PTPRD: variants seen among roughly 807,000 people sequenced by gnomAD.
PTPRD encodes protein tyrosine phosphatase receptor type D, also known as receptor-type tyrosine-protein phosphatase delta.
PTPRD carries 34 observed loss-of-function variants against 214.5 expected under a neutral mutation model. That is an observed-to-expected ratio of 0.16 (90% CI 0.12 to 0.21). PTPRD has a LOEUF of 0.21. PTPRD is among the 10% of genes least tolerant of loss of function. The pLI is 1.00. For synonymous variants in PTPRD, 1,128 were observed against 845.7 expected, an observed-to-expected ratio of 1.33 and a Z score of -5.79; for missense variants, 2,545 against 2,398.7, an observed-to-expected ratio of 1.06 and a Z score of -1.27.
At chr9:9,485,049 G>C (rs1443538832) in intron 8 of PTPRD, among the ~76,000 whole-genome samples, 1 of 152,134 alleles carries the variant, frequency 6.6e-6, no homozygotes, top group Non-Finnish European at 1.5e-5. Context: ...TCCCCAAAGT[G>C]CATTCAAGAT....
chr9:9,648,098 T>C (rs1460577138), intron 7 of PTPRD, among the ~76,000 whole-genome samples: 3 of 152,194 alleles, frequency 2.0e-5, no homozygotes, highest in South Asian at 4.1e-4. Context: ...CTCATCACTA[T>C]ATTCTGAAAG....
intron 7 of PTPRD, among the ~76,000 whole-genome samples, chr9:9,619,037 G>T (rs1410375816): frequency 6.6e-6 from 1 of 152,086 alleles, no homozygotes; most frequent in Non-Finnish European, 1.5e-5. Flanking sequence ...ACAAGAAAAA[G>T]AATAAAAAAA....
intron 8 of PTPRD, among the ~76,000 whole-genome samples, chr9:9,489,657 A>G (rs895302472): frequency 6.6e-6 from 1 of 152,114 alleles, no homozygotes; most frequent in Admixed American, 6.6e-5. Flanking sequence ...TCAAGGGAAG[A>G]TTTGATTAGG....
chr9:8,732,430 A>G (rs1782511242), intron 12 of PTPRD, among the ~76,000 whole-genome samples: 1 of 152,246 alleles, frequency 6.6e-6, no homozygotes, highest in Admixed American at 6.5e-5. Context: ...CAAAAATAAT[A>G]AAACCATAGT....
intron 39 of PTPRD, among the ~76,000 whole-genome samples, chr9:8,366,923 A>G (rs2080063895): frequency 6.6e-6 from 1 of 152,240 alleles, no homozygotes; most frequent in South Asian, 2.1e-4. Flanking sequence ...CCATGGTGCA[A>G]AAATATTTTT....
intron 2 of PTPRD, among the ~76,000 whole-genome samples, chr9:10,407,875 TA>T (rs2098389821): frequency 6.6e-6 from 1 of 151,594 alleles, no homozygotes; most frequent in Non-Finnish European, 1.5e-5. Flanking sequence ...TTTAACAAAT[TA>T]AAATTTGTTT....
chr9:8,981,814 A>G (rs1339516289), intron 11 of PTPRD, among the ~76,000 whole-genome samples: 3 of 152,052 alleles, frequency 2.0e-5, no homozygotes, highest in Non-Finnish European at 4.4e-5. Flanking sequence ...TGGCTTTCTA[A>G]TTTTCTACAA....
intron 11 of PTPRD, among the ~76,000 whole-genome samples, chr9:8,735,195 G>A (rs1011568031): frequency 1.4e-5 from 2 of 144,340 alleles, no homozygotes; most frequent in East Asian, 4.2e-4. Context: ...CCAGGCTGTA[G>A]TGCAGTGGTA....
intron 11 of PTPRD, among the ~76,000 whole-genome samples, chr9:8,738,771 A>AAAAAAC (rs141087724): frequency 0.49 from 73,688 of 150,966 alleles, 18,820 homozygotes; most frequent in South Asian, 0.62. Flanking sequence ...TTAAGCATTA[A>AAAAAAC]AAAAACAAAA....
At chr9:8,522,806 C>A (rs1398617716) in intron 19 of PTPRD, among the ~76,000 whole-genome samples, 1 of 152,076 alleles carries the variant, frequency 6.6e-6, no homozygotes, top group East Asian at 1.9e-4. Flanking sequence ...AGAGGGTAAT[C>A]TTTAGGGAGC....
At chr9:10,602,019 T>C (rs1273300061) in intron 2 of PTPRD, among the ~76,000 whole-genome samples, 1 of 151,814 alleles carries the variant, frequency 6.6e-6, no homozygotes, top group Non-Finnish European at 1.5e-5. Flanking sequence ...AGAGATTTGG[T>C]GCTCATGAAA....
At chr9:10,543,351 T>C (rs936244216) in intron 2 of PTPRD, among the ~76,000 whole-genome samples, 13 of 152,140 alleles carry the variant, frequency 8.5e-5, no homozygotes, top group African/African-American at 3.1e-4. Flanking sequence ...CTAATTAAAA[T>C]ACCAAATTCT....
intron 3 of PTPRD, among the ~76,000 whole-genome samples, chr9:10,311,873 G>C (rs980719141): frequency 1.3e-5 from 2 of 151,980 alleles, no homozygotes; most frequent in Admixed American, 1.3e-4. Context: ...CTTGGTGTGA[G>C]ATCGAATTGT....
chr9:9,183,062 G>A (rs1360980469), intron 10 of PTPRD, among the ~76,000 whole-genome samples: 3 of 151,888 alleles, frequency 2.0e-5, no homozygotes, highest in Non-Finnish European at 4.4e-5. Flanking sequence ...ATATAATTCA[G>A]AACTGAAAAA....
intron 5 of PTPRD, among the ~76,000 whole-genome samples, chr9:9,867,782 A>G (rs2064354055): frequency 6.6e-6 from 1 of 152,154 alleles, no homozygotes; most frequent in South Asian, 2.1e-4. Flanking sequence ...TCAAACATTA[A>G]AAAGGAACTT....
At chr9:9,729,940 C>A (rs896668743) in intron 7 of PTPRD, among the ~76,000 whole-genome samples, 7 of 152,010 alleles carry the variant, frequency 4.6e-5, no homozygotes, top group African/African-American at 1.7e-4. Context: ...TTATCATATA[C>A]TATATGCTTA....
chr9:8,456,851 A>C (rs909443794), intron 33 of PTPRD, among the ~76,000 whole-genome samples: 1 of 152,194 alleles, frequency 6.6e-6, no homozygotes, highest in Non-Finnish European at 1.5e-5. Flanking sequence ...CCTGATCTAC[A>C]CTTTCTTTGA....
In PTPRD at chr9:9,316,436, T is replaced by A. The variant is rs547301175; in HGVS notation, c.-203+81013A>T. ...CTTCTGAAAGAAACTTATCCTCAAA[T>A]TAAAAACAAGACTTTTATTAGGGTA... On this transcript the variant is annotated intron_variant, in intron 9 of 45. Coordinates refer to ENST00000381196, the MANE Select transcript of PTPRD (RefSeq NM_002839.4). 2.4e-4 allele frequency among the ~76,000 whole-genome samples: 36 copies of A among 152,228 alleles called. 1 individual carries two copies. The South Asian group carries it at 6.8e-3, about 29-fold the overall frequency.
At chr9:9,428,972 C>G (rs900320503) in intron 8 of PTPRD, among the ~76,000 whole-genome samples, 7 of 151,994 alleles carry the variant, frequency 4.6e-5, no homozygotes, top group Non-Finnish European at 1.0e-4. Flanking sequence ...AAATTGACAC[C>G]CTAATATCAC....
Sources: gnomAD v4.1 joint callset for allele counts (sites outside exome capture counted in the v4.1 genomes callset) on GRCh38, gnomAD v4.1.1 for gene constraint, MANE v1.5 for transcripts, NCBI Gene and HGNC (gene_info 2026-07-23, HGNC 2026-07-21) for gene names.